Variants in TNFRSF10A observed in about 807,000 individuals in gnomAD.
The protein encoded by TNFRSF10A is TNF receptor superfamily member 10a.
A neutral mutation model predicts 42.8 loss-of-function variants in TNFRSF10A; 44 were observed. The observed-to-expected ratio is 1.03, with a 90% CI of 0.81 to 1.32. TNFRSF10A has a LOEUF of 1.32. Ranked by LOEUF, TNFRSF10A falls within the 40% of genes most tolerant of loss-of-function variation. TNFRSF10A has a pLI of 0.00. For synonymous variants in TNFRSF10A, 259 were observed against 234.2 expected (o/e 1.11, Z -0.97); for missense variants, 680 against 602.0 (o/e 1.13, Z -1.36).
At chr8:23,206,362 C>G (rs963350839) in intron 2 of TNFRSF10A, among the ~76,000 whole-genome samples, 6 of 152,188 alleles carry the variant, frequency 3.9e-5, no homozygotes, top group Non-Finnish European at 8.8e-5. Context: ...CTCACCCAGA[C>G]AAGATCCAGT....
At position 23,197,077 on chromosome 8, in the gene TNFRSF10A, G is replaced by C. The variant is rs937179498; in HGVS notation, c.1087+55C>G. 5 of 1,608,766 alleles carry C rather than the reference G, an allele frequency of 3.1e-6. No individual in the cohort carries two copies. The African/African-American group carries it at 5.3e-5, about 17-fold the overall frequency. On this transcript the variant is annotated intron_variant, in intron 9 of 9. Coordinates refer to ENST00000221132, the MANE Select transcript of TNFRSF10A (RefSeq NM_003844.4). ...TCTCAGCAATGGGGACACCAGTTAG[G>C]ACACCGTCCCTATTCCCACCATTTC...
At chr8:23,203,364 C>G (rs1800962433) in intron 2 of TNFRSF10A, among the ~76,000 whole-genome samples, 1 of 152,194 alleles carries the variant, frequency 6.6e-6, no homozygotes, top group South Asian at 2.1e-4. Context: ...CAGCCCATGC[C>G]ACCTGCCATG....
chr8:23,205,079 G>A, intron 2 of TNFRSF10A, among the ~76,000 whole-genome samples: 1 of 152,076 alleles, frequency 6.6e-6, no homozygotes, highest in Middle Eastern at 3.4e-3. Flanking sequence ...GATTAGAGCA[G>A]AAATTAATGA....
Position 23,199,323 on chromosome 8 carries a change from C to T in TNFRSF10A, c.957G>A (p.Glu319=). The change falls in exon 8 of 10, where the codon GAG becomes GAA. Residue 319 remains glutamate, a synonymous_variant. Coordinates refer to ENST00000221132, the MANE Select transcript of TNFRSF10A (RefSeq NM_003844.4). The stretch of plus-strand genomic sequence containing the variant: ...CAGTGACACCTGTCAAATCTGCCGG[C>T]TCCTGGCTTTCCATTTGCTGCTCAG... ...FVSEQQMESQ[E]PADLTGVTVQ... The T allele has an allele frequency of 6.2e-7, 1 of 1,614,200 alleles. No individual in the cohort carries two copies. The highest frequency in any genetic ancestry group is 8.5e-7 in the Non-Finnish European group (1 of 1,180,022).
rs182948446 is a variant in TNFRSF10A at position 23,203,181 on chromosome 8, T to C, written c.404-420A>G. 1.7e-4 allele frequency among the ~76,000 whole-genome samples: 26 copies of C among 152,282 alleles called. No individual in the cohort carries two copies. In the East Asian group the frequency reaches 4.2e-3, roughly 25 times the overall value. On this transcript the variant is annotated intron_variant, in intron 2 of 9. Coordinates refer to ENST00000221132, the MANE Select transcript of TNFRSF10A (RefSeq NM_003844.4). ...ACTCACTGCACATCTCAATTCAAAG[T>C]GGCTGTGTTTTAAGTGATTAATGGC...
chr8:23,199,538 CCTCCCAGTGAGGTCA>C, intron 7 of TNFRSF10A, 90 bp from the exon 8 acceptor site: 2 of 1,477,734 alleles, frequency 1.4e-6, no homozygotes, highest in South Asian at 2.5e-5. Flanking sequence ...GCCACCACCC[CCTCCCAGTGAGGTCA>C]CTCCAGGAAG....
At chr8:23,210,881 T>TA (rs1801083955) in intron 2 of TNFRSF10A, among the ~76,000 whole-genome samples, 1 of 152,104 alleles carries the variant, frequency 6.6e-6, no homozygotes, top group African/African-American at 2.4e-5. Context: ...CCTTTCATGA[T>TA]AAAAATCACA....
At chr8:23,217,219 T>C (rs71515820) in intron 1 of TNFRSF10A, among the ~76,000 whole-genome samples, 2,265 of 149,992 alleles carry the variant, frequency 0.015, 26 homozygotes, top group Non-Finnish European at 0.023. Flanking sequence ...ATGAATTCAT[T>C]TTTTTTTTCT....
chr8:23,191,965 G>A lies in TNFRSF10A; in HGVS notation c.1136C>T (p.Ser379Phe), dbSNP rs750750207. 4.3e-6 allele frequency: 7 copies of A among 1,614,042 alleles called. No individual in the cohort carries two copies. The highest frequency in any genetic ancestry group is 2.5e-6 in the Non-Finnish European group (3 of 1,180,044). Reference sequence around the variant, plus strand: ...CAGCTGCCTCATGAGCTGGTCCCAGGAGTCAAAGGGCACGATGTTTGCAAA... The same window carrying A: ...CAGCTGCCTCATGAGCTGGTCCCAGAAGTCAAAGGGCACGATGTTTGCAAA... ...DKFANIVPFD[S>F]WDQLMRQLDL... The change falls in exon 10 of 10, where the codon TCC becomes TTC. Residue 379 changes from serine (S) to phenylalanine (F), a missense_variant. By Grantham distance (155) the Ser-to-Phe change is radical. Transcript: ENST00000221132.
chr8:23,214,348 C>A (rs1202408489), intron 1 of TNFRSF10A, among the ~76,000 whole-genome samples: 4 of 151,822 alleles, frequency 2.6e-5, no homozygotes, highest in Non-Finnish European at 4.4e-5. Flanking sequence ...ATTAACCGGG[C>A]GTGGTGGCGG....
At chr8:23,210,324 T>G (rs1007590383) in intron 2 of TNFRSF10A, among the ~76,000 whole-genome samples, 7 of 152,192 alleles carry the variant, frequency 4.6e-5, no homozygotes, top group African/African-American at 1.7e-4. Context: ...GACTAACGAT[T>G]CTTATGAATA....
At chr8:23,221,780 A>G (rs1179386871) in intron 1 of TNFRSF10A, among the ~76,000 whole-genome samples, 1 of 152,174 alleles carries the variant, frequency 6.6e-6, no homozygotes, top group Non-Finnish European at 1.5e-5. Flanking sequence ...TGAAACAAAA[A>G]ATACAACATT....
At chr8:23,202,245 A>T (rs569204581) in intron 3 of TNFRSF10A, among the ~76,000 whole-genome samples, 2 of 152,318 alleles carry the variant, frequency 1.3e-5, no homozygotes, top group East Asian at 3.9e-4. Context: ...CCCTTGGGTG[A>T]CTTCCCAAAA....
rs761351920 is a variant in TNFRSF10A, at chr8:23,199,262, T to C, written c.1014+4A>G. 3.7e-6 allele frequency: 6 copies of C among 1,610,146 alleles called. No individual in the cohort carries two copies. The Admixed American group carries it at 1.0e-4, about 27-fold the overall frequency. ...GGTCTTGGAGGGGCCTGTCCCCAAC[T>C]CACCAGCAGACACTGTGCCTCCCCT... On this transcript the variant is annotated splice_donor_region_variant and intron_variant, in intron 8 of 9. Transcript: ENST00000221132.
At chr8:23,224,353 A>AG (rs1385289495) in intron 1 of TNFRSF10A, 1 of 159,880 alleles carries the variant, frequency 6.3e-6, no homozygotes, top group Admixed American at 6.4e-5. Flanking sequence ...GGGGGTGGGG[A>AG]GGGAATCAGG....
At chr8:23,213,034 T>C (rs1044517511) in intron 1 of TNFRSF10A, among the ~76,000 whole-genome samples, 1 of 152,224 alleles carries the variant, frequency 6.6e-6, no homozygotes, top group Non-Finnish European at 1.5e-5. Flanking sequence ...CCTGGGCTTT[T>C]CTTTGCTGGG....
chr8:23,204,806 A>G (rs1466446901), intron 2 of TNFRSF10A, among the ~76,000 whole-genome samples: 1 of 152,116 alleles, frequency 6.6e-6, no homozygotes, highest in Middle Eastern at 3.2e-3. Flanking sequence ...TAAATAACCA[A>G]CTGGTCTAAA....
At chr8:23,219,529 C>T (rs1426378736) in intron 1 of TNFRSF10A, among the ~76,000 whole-genome samples, 1 of 152,214 alleles carries the variant, frequency 6.6e-6, no homozygotes, top group Non-Finnish European at 1.5e-5. Flanking sequence ...ATGCTACAGA[C>T]ATGGCTCCGG....
intron 2 of TNFRSF10A, among the ~76,000 whole-genome samples, chr8:23,205,842 G>A (rs1800997395): frequency 6.6e-6 from 1 of 150,988 alleles, no homozygotes; most frequent in South Asian, 2.1e-4. Context: ...TCAGCCTCCC[G>A]AGTAGCTGGG....
Sources: gnomAD v4.1 joint callset for allele counts (sites outside exome capture counted in the v4.1 genomes callset) on GRCh38, gnomAD v4.1.1 for gene constraint, MANE v1.5 for transcripts, NCBI Gene and HGNC (gene_info 2026-07-23, HGNC 2026-07-21) for gene names.